The following UTRN variants were observed in gnomAD, a reference collection of about 807,000 sequenced individuals.
UTRN encodes the protein utrophin, also known as dystrophin-related protein 1.
A neutral mutation model predicts 463.9 loss-of-function variants in UTRN; 283 were observed. The observed-to-expected ratio is 0.61, with a 90% CI of 0.55 to 0.67. UTRN has a LOEUF of 0.67. Ranked by LOEUF, UTRN falls within the 30% of genes least tolerant of loss-of-function variation. UTRN has a pLI of 0.00. For synonymous variants in UTRN, 1,442 were observed against 1,431.5 expected (o/e 1.01, Z -0.17); for missense variants, 3,922 against 4,084.3 (o/e 0.96, Z 1.08).
chr6:144,688,868 C>T (rs1437191789), intron 52 of UTRN, among the ~76,000 whole-genome samples: 2 of 152,114 alleles, frequency 1.3e-5, no homozygotes, highest in African/African-American at 2.4e-5. Context: ...GTGGAGGTGT[C>T]CATGAGTAAA....
At chr6:144,448,541 G>T in intron 16 of UTRN, 59 bp from the exon 17 acceptor site, 1 of 1,562,100 alleles carries the variant, frequency 6.4e-7, no homozygotes, top group South Asian at 1.2e-5. Context: ...TATAGCATGT[G>T]AATTACATCT....
At chr6:144,430,540 G>A (rs9321975) in intron 9 of UTRN, among the ~76,000 whole-genome samples, 7,977 of 152,128 alleles carry the variant, frequency 0.052, 659 homozygotes, top group African/African-American at 0.17. Context: ...TCTCTGGATG[G>A]ACCTTAAATT....
At chr6:144,371,487 C>T (rs935732521) in intron 2 of UTRN, among the ~76,000 whole-genome samples, 7 of 152,214 alleles carry the variant, frequency 4.6e-5, no homozygotes, top group Non-Finnish European at 1.0e-4. Context: ...TCTCGGCTCA[C>T]CGCAACCTCC....
chr6:144,530,984 T>C, intron 41 of UTRN, 68 bp from the exon 42 acceptor site: 1 of 1,494,834 alleles, frequency 6.7e-7, no homozygotes. Flanking sequence ...TTTTCTTTTT[T>C]AGAAAAATGG....
chr6:144,494,902 G>A (rs1217618365), intron 33 of UTRN, among the ~76,000 whole-genome samples: 1 of 152,140 alleles, frequency 6.6e-6, no homozygotes, highest in South Asian at 2.1e-4. Context: ...GGCCCCACCA[G>A]AGTAGCTAGA....
intron 17 of UTRN, 113 bp from the exon 18 acceptor site, chr6:144,451,257 G>C (rs534650176): frequency 7.9e-7 from 1 of 1,260,662 alleles, no homozygotes; most frequent in African/African-American, 1.5e-5. Context: ...TGCTGTTTTT[G>C]GGGGAGTGAT....
Position 144,620,270 on chromosome 6 carries a change from T to C in UTRN, c.7479+42982T>C, listed in dbSNP as rs573065534. 1.4e-3 allele frequency among the ~76,000 whole-genome samples: 218 copies of C among 152,332 alleles called. 2 individuals are homozygous for C. Among genetic ancestry groups the C allele is most frequent in the Middle Eastern group, 3.4e-3 (1 of 294 alleles). On this transcript the variant is annotated intron_variant, in intron 51 of 74. Coordinates refer to ENST00000367545, the MANE Select transcript of UTRN (RefSeq NM_007124.3). ...GCTGCTAAACTCTCCATTTGCATTT[T>C]ATTGGCTACTATGTTTTTGCTCCAG... is the stretch of plus-strand genomic sequence containing the variant.
chr6:144,530,789 C>G (rs1796984092), intron 41 of UTRN, among the ~76,000 whole-genome samples: 1 of 151,628 alleles, frequency 6.6e-6, no homozygotes, highest in South Asian at 2.1e-4. Context: ...CGTGAGTGTG[C>G]ATGTGTGTGT....
chr6:144,324,983 T>C (rs1288255223), intron 2 of UTRN, among the ~76,000 whole-genome samples: 1 of 152,182 alleles, frequency 6.6e-6, no homozygotes, highest in Admixed American at 6.5e-5. Context: ...ACACTTTGAC[T>C]CTCAGAGCTT....
At chr6:144,777,605 T>C (rs1000062758) in intron 60 of UTRN, among the ~76,000 whole-genome samples, 2 of 152,212 alleles carry the variant, frequency 1.3e-5, no homozygotes, top group African/African-American at 2.4e-5. Flanking sequence ...ACCACACATA[T>C]GTATTTTCTG....
At chr6:144,432,720 G>A (rs535314061) in intron 9 of UTRN, among the ~76,000 whole-genome samples, 8 of 151,882 alleles carry the variant, frequency 5.3e-5, no homozygotes, top group African/African-American at 1.9e-4. Context: ...TCATTCTTGG[G>A]TGTTTCTCGC....
chr6:144,758,086 T>G (rs1792213641), intron 58 of UTRN, 97 bp downstream of exon 58: 1 of 1,010,712 alleles, frequency 9.9e-7, no homozygotes, highest in Non-Finnish European at 1.5e-6. Flanking sequence ...AAAATAGAAT[T>G]CAGTCCTATT....
rs147189847 is a variant in UTRN at position 144,565,753 on chromosome 6, G to A, written c.7289+8442G>A. The stretch of plus-strand genomic sequence containing the variant: ...CAGCTTGGACATTCCTGGTGATTTT[G>A]GAAAGAGCAATTTGGAGGAAGTAAT... On this transcript the variant is annotated intron_variant, in intron 50 of 74. Transcript: ENST00000367545. Among the ~76,000 whole-genome samples, 118 of 152,230 alleles carry A rather than the reference G, an allele frequency of 7.8e-4. 2 individuals carry two copies. The East Asian group carries it at 0.022, about 28-fold the overall frequency.
chr6:144,624,884 A>G (rs1775791136), intron 51 of UTRN, among the ~76,000 whole-genome samples: 1 of 152,192 alleles, frequency 6.6e-6, no homozygotes, highest in Non-Finnish European at 1.5e-5. Context: ...AATACCATGA[A>G]TACGTTGAGG....
chr6:144,803,061 T>C lies in UTRN; in HGVS notation c.9271T>C (p.Tyr3091His). 6.3e-7 allele frequency: 1 copy of C among 1,586,986 alleles called. No individual in the cohort carries two copies. Among genetic ancestry groups the C allele is most frequent in the Non-Finnish European group, 8.6e-7 (1 of 1,168,374 alleles). ...GTATAGAAGCCTTAAGCATTTTAAC[T>C]ATGATGTCTGCCAGAGTTGTTTCTT... ...FRYRSLKHFN[Y>H]DVCQSCFFSG... The change falls in exon 65 of 75, where the codon TAT becomes CAT. Residue 3091 changes from tyrosine to histidine, a missense_variant. Around this residue, in one of 3 missense-constraint regions of UTRN, gnomAD observed 1,309 missense variants for 1,452.6 expected, o/e 0.90. Transcript: ENST00000367545.
chr6:144,826,755 T>C (rs1197110395), intron 66 of UTRN, among the ~76,000 whole-genome samples: 1 of 152,182 alleles, frequency 6.6e-6, no homozygotes, highest in Non-Finnish European at 1.5e-5. Flanking sequence ...TTATTTATGA[T>C]GTGACATTTT....
chr6:144,352,307 G>T (rs9496939), intron 2 of UTRN, among the ~76,000 whole-genome samples: 9,751 of 152,116 alleles, frequency 0.064, 1,044 homozygotes, highest in African/African-American at 0.22. Context: ...TGGTTTAAGG[G>T]ACTTTTGGGG....
At chr6:144,623,605 T>A (rs1441829851) in intron 51 of UTRN, among the ~76,000 whole-genome samples, 1 of 152,236 alleles carries the variant, frequency 6.6e-6, no homozygotes, top group Non-Finnish European at 1.5e-5. Flanking sequence ...GATAGATTAC[T>A]AAGTCAGCTG....
At chr6:144,672,107 G>T (rs1781105117) in intron 51 of UTRN, among the ~76,000 whole-genome samples, 1 of 152,024 alleles carries the variant, frequency 6.6e-6, no homozygotes, top group Admixed American at 6.6e-5. Context: ...AGTGATATTG[G>T]TCTGTAGTTT....
Sources: allele counts gnomAD v4.1 joint callset (sites outside exome capture counted in the v4.1 genomes callset), GRCh38; gene constraint gnomAD v4.1.1; regional missense constraint gnomAD v4.1.1; transcripts MANE v1.5; gene names NCBI Gene and HGNC (gene_info 2026-07-23, HGNC 2026-07-21).